The following PEAK1 variants were observed in gnomAD, a reference collection of about 807,000 sequenced individuals.
PEAK1 encodes the protein inactive tyrosine-protein kinase PEAK1.
Under a neutral mutation model 124.7 loss-of-function variants are expected in PEAK1, and 54 were observed. The observed-to-expected ratio is 0.43, with a 90% CI of 0.35 to 0.54. PEAK1 has a LOEUF of 0.54. Among genes scored for constraint, PEAK1 ranks in the 20% least tolerant of loss-of-function variants. The probability of loss-of-function intolerance (pLI) is 0.01; values close to 1 mark genes in which losing one functional copy is unlikely to be tolerated. For synonymous variants in PEAK1, 719 were observed against 760.0 expected, an observed-to-expected ratio of 0.95 and a Z score of 0.89; for missense variants, 2,046 against 2,134.5, an observed-to-expected ratio of 0.96 and a Z score of 0.82.
chr15:77,364,820 T>TA (rs1162906782), intron 2 of PEAK1, among the ~76,000 whole-genome samples: 1 of 152,256 alleles, frequency 6.6e-6, no homozygotes, highest in Non-Finnish European at 1.5e-5. Context: ...TGTTTTAATC[T>TA]ATGATTTAAC....
At chr15:77,338,647 AT>A (rs199933527) in intron 2 of PEAK1, among the ~76,000 whole-genome samples, 11,549 of 126,088 alleles carry the variant, frequency 0.092, 532 homozygotes, top group Admixed American at 0.11. Context: ...AAAAAAAAAT[AT>A]ATATATATAT....
At chr15:77,293,841 T>C (rs2063350297) in intron 2 of PEAK1, among the ~76,000 whole-genome samples, 1 of 152,198 alleles carries the variant, frequency 6.6e-6, no homozygotes, top group Non-Finnish European at 1.5e-5. Flanking sequence ...CTGATTTATG[T>C]ATGACTTTAA....
At chr15:77,272,691 C>T (rs1053232717) in intron 5 of PEAK1, among the ~76,000 whole-genome samples, 7 of 152,016 alleles carry the variant, frequency 4.6e-5, no homozygotes, top group African/African-American at 1.7e-4. Flanking sequence ...TAAAGAAGAA[C>T]TGGTTACCAG....
intron 1 of PEAK1, among the ~76,000 whole-genome samples, chr15:77,378,322 A>G (rs986189313): frequency 3.9e-5 from 6 of 151,972 alleles, no homozygotes; most frequent in African/African-American, 1.4e-4. Flanking sequence ...TAAACTATTG[A>G]AAGATCATCT....
intron 2 of PEAK1, among the ~76,000 whole-genome samples, chr15:77,314,896 G>T (rs951632835): frequency 1.1e-4 from 16 of 152,020 alleles, no homozygotes; most frequent in African/African-American, 3.1e-4. Context: ...ACAGACACTG[G>T]GGAGGTAGGG....
chr15:77,401,163 G>A (rs1218734726), intron 1 of PEAK1, among the ~76,000 whole-genome samples: 1 of 152,032 alleles, frequency 6.6e-6, no homozygotes. Context: ...GAAGTAGGCT[G>A]GATACTACAA....
intron 6 of PEAK1, among the ~76,000 whole-genome samples, chr15:77,226,053 ATATATATAT>A (rs1386461650): frequency 0.046 from 3,942 of 84,894 alleles, 197 homozygotes; most frequent in Non-Finnish European, 0.057. Context: ...GGATATATAT[ATATATATAT>A]ATATATATAT....
rs143501916 is a variant in PEAK1 at position 77,227,840 on chromosome 15, A to C, written c.-115+24527T>G. On this transcript the variant is annotated intron_variant, in intron 6 of 9. Transcript: ENST00000682557. The stretch of plus-strand genomic sequence containing the variant: ...TAGCAAGGCTCCAGGTCAACTAAAA[A>C]AAAAAAATTAGCCTGGTATGGTGGT... Among the ~76,000 whole-genome samples the C allele has an allele frequency of 2.0e-3, 307 of 152,050 alleles. 4 individuals carry two copies. Among genetic ancestry groups the C allele is most frequent in the East Asian group, 2.7e-3 (14 of 5,166 alleles).
intron 2 of PEAK1, among the ~76,000 whole-genome samples, chr15:77,362,982 A>C (rs1367560312): frequency 6.6e-6 from 1 of 152,004 alleles, no homozygotes; most frequent in African/African-American, 2.4e-5. Flanking sequence ...CAGCCTCCCA[A>C]GTAGCTGGGA....
At chr15:77,416,344 A>C (rs1294294514) in intron 1 of PEAK1, among the ~76,000 whole-genome samples, 37 of 152,154 alleles carry the variant, frequency 2.4e-4, no homozygotes. Context: ...CAATTCTATA[A>C]TCTAAATAGA....
At chr15:77,381,079 T>C (rs1036082166) in intron 1 of PEAK1, among the ~76,000 whole-genome samples, 1 of 152,184 alleles carries the variant, frequency 6.6e-6, no homozygotes, top group Non-Finnish European at 1.5e-5. Flanking sequence ...ACAGAGAATA[T>C]CCCAGAGGCT....
chr15:77,372,767 G>A (rs1887830160), intron 1 of PEAK1, among the ~76,000 whole-genome samples: 1 of 152,118 alleles, frequency 6.6e-6, no homozygotes, highest in South Asian at 2.1e-4. Context: ...TGGATCATGG[G>A]GGCAGTTTCT....
intron 1 of PEAK1, chr15:77,404,389 T>C (rs2142039874): frequency 1.1e-6 from 1 of 926,478 alleles, no homozygotes; most frequent in Non-Finnish European, 1.3e-6. Context: ...CAGTCTGAAG[T>C]GAAATGTGCT....
At chr15:77,316,094 T>G (rs2064852777) in intron 2 of PEAK1, among the ~76,000 whole-genome samples, 1 of 152,186 alleles carries the variant, frequency 6.6e-6, no homozygotes, top group South Asian at 2.1e-4. Flanking sequence ...AAACTGCTCT[T>G]AAAAAGCCTG....
chr15:77,152,463 A>G (rs1341935316), intron 8 of PEAK1, among the ~76,000 whole-genome samples: 3 of 152,140 alleles, frequency 2.0e-5, no homozygotes, highest in Admixed American at 2.0e-4. Flanking sequence ...CTCTTTTCCT[A>G]ATTGAATACC....
At chr15:77,362,820 GA>G (rs765659302) in intron 2 of PEAK1, among the ~76,000 whole-genome samples, 12 of 149,930 alleles carry the variant, frequency 8.0e-5, no homozygotes, top group African/African-American at 1.5e-4. Flanking sequence ...TATTGTGGAT[GA>G]AAAAAAAGAA....
intron 6 of PEAK1, among the ~76,000 whole-genome samples, chr15:77,240,572 G>T (rs572393788): frequency 6.6e-6 from 1 of 151,782 alleles, no homozygotes; most frequent in Admixed American, 6.6e-5. Context: ...CGTGAGCCTG[G>T]GCAATAGAGT....
chr15:77,278,354 T>A, intron 5 of PEAK1: 7 of 244,648 alleles, frequency 2.9e-5, no homozygotes, highest in South Asian at 1.0e-4. Context: ...TTCAAAAGAG[T>A]ACATAATAAT....
At chr15:77,192,828 C>CT (rs1168429270) in intron 6 of PEAK1, among the ~76,000 whole-genome samples, 5 of 150,564 alleles carry the variant, frequency 3.3e-5, no homozygotes, top group Non-Finnish European at 5.9e-5. Context: ...CGGTCCTTAC[C>CT]TTTTTTTTTA....
Sources: allele counts gnomAD v4.1 joint callset (sites outside exome capture counted in the v4.1 genomes callset), GRCh38; gene constraint gnomAD v4.1.1; transcripts MANE v1.5; gene names NCBI Gene and HGNC (gene_info 2026-07-23, HGNC 2026-07-21).